Variants in SORCS1 observed in about 807,000 individuals in gnomAD.
SORCS1 encodes sortilin related VPS10 domain containing receptor 1.
In SORCS1, 60 loss-of-function variants were observed where a neutral mutation model predicts 146.1. The observed-to-expected ratio is 0.41, with a 90% CI of 0.33 to 0.51. SORCS1 has a LOEUF of 0.51. Ranked by LOEUF, SORCS1 falls within the 20% of genes least tolerant of loss-of-function variation. The probability of loss-of-function intolerance (pLI) is 0.21; values close to 1 mark genes in which losing one functional copy is unlikely to be tolerated. For synonymous variants in SORCS1, 637 were observed against 584.0 expected (o/e 1.09, Z -1.31); for missense variants, 1,352 against 1,487.6 (o/e 0.91, Z 1.50).
At chr10:106,732,246 C>G (rs1304620565) in intron 5 of SORCS1, among the ~76,000 whole-genome samples, 1 of 152,162 alleles carries the variant, frequency 6.6e-6, no homozygotes, top group African/African-American at 2.4e-5. Flanking sequence ...TCATAATTTC[C>G]CTCATATAGA....
chr10:107,167,661 A>T (rs1970083848), upstream of SORCS1, among the ~76,000 whole-genome samples: 1 of 152,212 alleles, frequency 6.6e-6, no homozygotes, highest in Admixed American at 6.5e-5. Flanking sequence ...GTGCAAGATG[A>T]AAATAATAGA....
chr10:106,738,842 A>T (rs1445423976), intron 5 of SORCS1, among the ~76,000 whole-genome samples: 1 of 151,934 alleles, frequency 6.6e-6, no homozygotes, highest in Non-Finnish European at 1.5e-5. Context: ...AAATTTTTAA[A>T]AAGGCCAGGC....
At chr10:106,816,148 T>C (rs1947732412) in intron 3 of SORCS1, among the ~76,000 whole-genome samples, 1 of 152,208 alleles carries the variant, frequency 6.6e-6, no homozygotes, top group Non-Finnish European at 1.5e-5. Context: ...CAGAAGGTAG[T>C]GGAAATAGAA....
chr10:106,820,801 C>T (rs982294851), intron 3 of SORCS1, among the ~76,000 whole-genome samples: 1 of 152,144 alleles, frequency 6.6e-6, no homozygotes, highest in Non-Finnish European at 1.5e-5. Context: ...ATGACGGAAA[C>T]CCCTGAGAAA....
chr10:106,780,909 T>C (rs1860839704), intron 3 of SORCS1, among the ~76,000 whole-genome samples: 1 of 152,160 alleles, frequency 6.6e-6, no homozygotes, highest in South Asian at 2.1e-4. Context: ...AGAAACTTTA[T>C]TTGCTTTTCC....
chr10:106,753,661 A>G (rs896188324), intron 5 of SORCS1, among the ~76,000 whole-genome samples: 5 of 151,708 alleles, frequency 3.3e-5, no homozygotes, highest in Non-Finnish European at 5.9e-5. Context: ...AATTTGGGGC[A>G]GCGATAATAG....
chr10:106,809,263 C>T (rs572514884), intron 3 of SORCS1, among the ~76,000 whole-genome samples: 128 of 152,110 alleles, frequency 8.4e-4, no homozygotes, highest in African/African-American at 2.9e-3. Context: ...CTAAAAGTCT[C>T]GAAGTTCTTA....
At chr10:106,652,698 A>T (rs1849966843) in intron 17 of SORCS1, 145 bp from the exon 18 acceptor site, 1 of 768,100 alleles carries the variant, frequency 1.3e-6, no homozygotes, top group African/African-American at 1.7e-5. Context: ...AGTAGGGTTA[A>T]TTCATATAAA....
At chr10:107,079,689 G>A (rs1465415170) in intron 1 of SORCS1, among the ~76,000 whole-genome samples, 1 of 152,168 alleles carries the variant, frequency 6.6e-6, no homozygotes, top group Non-Finnish European at 1.5e-5. Flanking sequence ...AGATACTTCA[G>A]AAGCAAACCA....
At chr10:107,089,282 A>G (rs1003695549) in intron 1 of SORCS1, among the ~76,000 whole-genome samples, 2 of 152,200 alleles carry the variant, frequency 1.3e-5, no homozygotes, top group Non-Finnish European at 2.9e-5. Context: ...TAAAGCTCAT[A>G]TTACTTGACA....
At chr10:106,982,617 G>A (rs12267465) in intron 1 of SORCS1, among the ~76,000 whole-genome samples, 8,364 of 152,130 alleles carry the variant, frequency 0.055, 728 homozygotes, top group African/African-American at 0.18. Flanking sequence ...GCATTCAACC[G>A]TTAAGACAAA....
At chr10:106,707,987 G>A (rs1319072259) in intron 7 of SORCS1, among the ~76,000 whole-genome samples, 2 of 152,098 alleles carry the variant, frequency 1.3e-5, no homozygotes, top group Non-Finnish European at 2.9e-5. Flanking sequence ...GTCTAGTGAG[G>A]GGTTACAGGA....
chr10:106,867,637 C>T (rs1471151922), intron 2 of SORCS1, among the ~76,000 whole-genome samples: 2 of 152,208 alleles, frequency 1.3e-5, no homozygotes, highest in African/African-American at 2.4e-5. Context: ...TCATATCTGG[C>T]CCAACTAACT....
chr10:106,844,310 T>C (rs1388712155), intron 2 of SORCS1, among the ~76,000 whole-genome samples: 2 of 152,158 alleles, frequency 1.3e-5, no homozygotes, highest in South Asian at 4.1e-4. Context: ...CAGAAACTTT[T>C]TTGATTAATA....
At chr10:106,697,291 C>T (rs1473562891) in intron 9 of SORCS1, among the ~76,000 whole-genome samples, 2 of 151,858 alleles carry the variant, frequency 1.3e-5, no homozygotes, top group Admixed American at 6.6e-5. Flanking sequence ...GGTGAAACTC[C>T]GTCTCTACTA....
chr10:107,144,942 C>T (rs965534247), intron 1 of SORCS1, among the ~76,000 whole-genome samples: 3 of 152,176 alleles, frequency 2.0e-5, no homozygotes, highest in Admixed American at 6.5e-5. Flanking sequence ...AGAATAGTTA[C>T]GTCAATATAC....
intron 17 of SORCS1, among the ~76,000 whole-genome samples, chr10:106,664,209 T>C (rs1306424927): frequency 1.3e-5 from 2 of 152,244 alleles, no homozygotes; most frequent in East Asian, 1.9e-4. Flanking sequence ...CCAACATTTA[T>C]ATACCTGGAT....
intron 3 of SORCS1, among the ~76,000 whole-genome samples, chr10:106,806,909 C>T (rs990836172): frequency 6.6e-6 from 1 of 152,094 alleles, no homozygotes; most frequent in Non-Finnish European, 1.5e-5. Context: ...CCGCCTTACT[C>T]ACATACTATC....
In SORCS1 at chr10:106,911,661, CTT is replaced by C. The variant is rs1415259498; in HGVS notation, c.626+44850_626+44851del. Among the ~76,000 whole-genome samples the C allele has an allele frequency of 3.3e-5, 5 of 152,310 alleles. No individual in the cohort carries two copies. The Middle Eastern group carries it at 0.01, about 311-fold the overall frequency. ...TCGGCTGATCCAAGAACTCCTGTGGCTTTGCAGAGTACTTACACCAGTGGTTC... is the reference window on the plus strand; with the variant it reads ...TCGGCTGATCCAAGAACTCCTGTGGCTGCAGAGTACTTACACCAGTGGTTC... On this transcript the variant is annotated intron_variant, in intron 2 of 25. Transcript: ENST00000263054.
Sources: allele counts gnomAD v4.1 joint callset (sites outside exome capture counted in the v4.1 genomes callset), GRCh38; gene constraint gnomAD v4.1.1; transcripts MANE v1.5; gene names NCBI Gene and HGNC (gene_info 2026-07-23, HGNC 2026-07-21).